The following CCDC81 variants were observed in gnomAD, a reference collection of about 807,000 sequenced individuals.
The protein encoded by CCDC81 is coiled-coil domain containing 81.
In CCDC81, 79 loss-of-function variants were observed where a neutral mutation model predicts 83.7. The observed-to-expected ratio is 0.94, with a 90% CI of 0.79 to 1.14. The LOEUF is 1.14. Ranked by LOEUF, CCDC81 falls within the 50% of genes most tolerant of loss-of-function variation. The pLI is 0.00. For missense variants in CCDC81, 791 were observed against 778.1 expected, an observed-to-expected ratio of 1.02 and a Z score of -0.20; for synonymous variants, 252 against 278.1, an observed-to-expected ratio of 0.91 and a Z score of 0.93.
intron 9 of CCDC81, 21 bp from the exon 10 acceptor site, chr11:86,409,240 T>C: frequency 8.8e-7 from 1 of 1,140,454 alleles, no homozygotes; most frequent in Non-Finnish European, 1.2e-6. Flanking sequence ...AAAATAAACT[T>C]TTTTTTTTTT....
chr11:86,384,270 G>C (rs1948211105), intron 1 of CCDC81, among the ~76,000 whole-genome samples: 1 of 152,118 alleles, frequency 6.6e-6, no homozygotes, highest in Non-Finnish European at 1.5e-5. Flanking sequence ...GTTAGGACTG[G>C]TTCTTAGTTC....
chr11:86,406,605 G>T (rs1396904122), intron 7 of CCDC81, among the ~76,000 whole-genome samples: 1 of 152,102 alleles, frequency 6.6e-6, no homozygotes, highest in South Asian at 2.1e-4. Context: ...AGGAGTCCGA[G>T]ACCAGCCTGA....
At position 86,395,363 on chromosome 11, in the gene CCDC81, T is replaced by C; in HGVS notation, c.585T>C (p.Ser195=). The change falls in exon 5 of 15, where the codon TCT becomes TCC. Residue 195 remains serine (S), a synonymous_variant. Coordinates refer to ENST00000445632, the MANE Select transcript of CCDC81 (RefSeq NM_001156474.2). The part of the protein sequence containing the change: ...NRPGTVDSVL[S]SREALRKWPS... Reference sequence around the variant, plus strand: ...CTGGCACTGTGGACTCGGTGTTGTCTAGCAGAGAGGCCTTGAGGAAGTGGC... The same window carrying C: ...CTGGCACTGTGGACTCGGTGTTGTCCAGCAGAGAGGCCTTGAGGAAGTGGC... 6.2e-7 allele frequency: 1 copy of C among 1,614,110 alleles called. No homozygotes were observed. Among genetic ancestry groups the C allele is most frequent in the Non-Finnish European group, 8.5e-7 (1 of 1,179,972 alleles).
chr11:86,384,683 C>A (rs201546880), intron 1 of CCDC81, among the ~76,000 whole-genome samples: 3 of 152,134 alleles, frequency 2.0e-5, no homozygotes, highest in East Asian at 3.9e-4. Context: ...AAGGATTGGG[C>A]TTTTGTCACC....
In CCDC81 at chr11:86,419,973, C is replaced by T; in HGVS notation, c.1737C>T (p.Val579=). 6.2e-7 allele frequency: 1 copy of T among 1,613,834 alleles called. No homozygotes were observed. The highest frequency in any genetic ancestry group is 8.5e-7 in the Non-Finnish European group (1 of 1,179,902). The change falls in exon 14 of 15, where the codon GTC becomes GTT. Residue 579 remains valine, a synonymous_variant. Coordinates refer to ENST00000445632, the MANE Select transcript of CCDC81 (RefSeq NM_001156474.2). ...RTAELERVNR[V]NQCLQEDWER... Reference sequence around the variant, plus strand: ...CTGAGCTGGAGCGAGTAAATAGAGTCAACCAATGCTTACAGGAGGACTGGG... The same window carrying T: ...CTGAGCTGGAGCGAGTAAATAGAGTTAACCAATGCTTACAGGAGGACTGGG...
chr11:86,389,913 G>A (rs1948300275), intron 3 of CCDC81, among the ~76,000 whole-genome samples: 1 of 152,070 alleles, frequency 6.6e-6, no homozygotes, highest in Admixed American at 6.5e-5. Flanking sequence ...AGACCATCCT[G>A]GCCAACATGG....
At chr11:86,389,966 G>A (rs141754614) in intron 3 of CCDC81, among the ~76,000 whole-genome samples, 11 of 152,182 alleles carry the variant, frequency 7.2e-5, no homozygotes, top group East Asian at 3.9e-4. Flanking sequence ...CTAGCTGGGC[G>A]TGGTGGTGCA....
chr11:86,410,200 G>C (rs1433689684), intron 10 of CCDC81, among the ~76,000 whole-genome samples: 1 of 152,148 alleles, frequency 6.6e-6, no homozygotes, highest in Non-Finnish European at 1.5e-5. Context: ...ATTTCTGCCT[G>C]AATCTTCCTC....
chr11:86,393,576 G>A (rs771627838), intron 4 of CCDC81, among the ~76,000 whole-genome samples: 1 of 151,998 alleles, frequency 6.6e-6, no homozygotes, highest in Non-Finnish European at 1.5e-5. Context: ...TTTTAATGTT[G>A]GTTCTACTAT....
chr11:86,382,250 G>T (rs1309511353), intron 1 of CCDC81, among the ~76,000 whole-genome samples: 2 of 152,088 alleles, frequency 1.3e-5, no homozygotes, highest in African/African-American at 4.8e-5. Context: ...GAATAGGAGG[G>T]TCAAGAATAC....
At chr11:86,402,308 T>A (rs1948504042) in intron 7 of CCDC81, among the ~76,000 whole-genome samples, 1 of 152,142 alleles carries the variant, frequency 6.6e-6, no homozygotes, top group Non-Finnish European at 1.5e-5. Flanking sequence ...ATGTATGTCG[T>A]TTATTTCAAT....
chr11:86,403,674 AGGTAATATG>A (rs1244461587), intron 7 of CCDC81, among the ~76,000 whole-genome samples: 1 of 152,124 alleles, frequency 6.6e-6, no homozygotes, highest in Non-Finnish European at 1.5e-5. Flanking sequence ...GCTGAGAGTG[AGGTAATATG>A]GGTGGGACTC....
At chr11:86,395,448 T>G in intron 5 of CCDC81, 35 bp downstream of exon 5, 1 of 1,533,382 alleles carries the variant, frequency 6.5e-7, no homozygotes, top group Non-Finnish European at 9.0e-7. Context: ...CTCTAGGCAC[T>G]AGCACTCCTT....
intron 14 of CCDC81, among the ~76,000 whole-genome samples, chr11:86,421,800 T>A (rs932792299): frequency 2.0e-5 from 3 of 151,786 alleles, no homozygotes; most frequent in African/African-American, 7.3e-5. Flanking sequence ...CACCTGTCAT[T>A]CCAGCTACTC....
chr11:86,400,889 T>C (rs982778036), intron 7 of CCDC81, 88 bp downstream of exon 7: 1 of 1,334,778 alleles, frequency 7.5e-7, no homozygotes, highest in African/African-American at 1.5e-5. Context: ...AATTGTTCAT[T>C]AATTCATTTA....
chr11:86,377,908 T>C (rs554015877), intron 1 of CCDC81, among the ~76,000 whole-genome samples: 1 of 151,764 alleles, frequency 6.6e-6, no homozygotes, highest in African/African-American at 2.4e-5. Context: ...ACTTCATATT[T>C]AGGTCTATGA....
chr11:86,399,860 C>T (rs529991968), intron 6 of CCDC81, among the ~76,000 whole-genome samples: 29 of 151,976 alleles, frequency 1.9e-4, no homozygotes, highest in African/African-American at 6.3e-4. Context: ...TGGTGGCTCA[C>T]GCCTGTAATC....
intron 5 of CCDC81, 67 bp downstream of exon 5, chr11:86,395,480 G>T: frequency 8.1e-7 from 1 of 1,234,580 alleles, no homozygotes; most frequent in South Asian, 1.2e-5. Context: ...GATCTCATTG[G>T]GCAGTGTTTC....
chr11:86,379,660 GCTAT>G (rs1948149985), intron 1 of CCDC81, among the ~76,000 whole-genome samples: 1 of 152,138 alleles, frequency 6.6e-6, no homozygotes, highest in Non-Finnish European at 1.5e-5. Flanking sequence ...TAGACAAACT[GCTAT>G]CTGTTAGGTC....
Sources: gnomAD v4.1 joint callset for allele counts (sites outside exome capture counted in the v4.1 genomes callset) on GRCh38, gnomAD v4.1.1 for gene constraint, MANE v1.5 for transcripts, NCBI Gene and HGNC (gene_info 2026-07-23, HGNC 2026-07-21) for gene names.